CRIM1: variants seen among roughly 807,000 people sequenced by gnomAD.
CRIM1 encodes cysteine-rich motor neuron 1 protein.
CRIM1 carries 32 observed loss-of-function variants against 116.4 expected under a neutral mutation model. The observed-to-expected ratio is 0.27, with a 90% confidence interval of 0.21 to 0.37. The LOEUF is 0.37. Among genes scored for constraint, CRIM1 ranks in the 10% least tolerant of loss-of-function variants. The pLI, the probability that CRIM1 is intolerant of heterozygous loss-of-function variation, is 1.00. For missense variants in CRIM1, 1,331 were observed against 1,354.8 expected (o/e 0.98, Z 0.28); for synonymous variants, 590 against 509.2 (o/e 1.16, Z -2.13).
At chr2:36,485,395 G>T (rs944816111) in intron 7 of CRIM1, among the ~76,000 whole-genome samples, 3 of 152,156 alleles carry the variant, frequency 2.0e-5, no homozygotes, top group Non-Finnish European at 4.4e-5. Flanking sequence ...CCTCTAAAAG[G>T]CTGGAGTTCT....
chr2:36,541,879 T>C (rs1312675044), intron 14 of CRIM1, among the ~76,000 whole-genome samples: 1 of 152,224 alleles, frequency 6.6e-6, no homozygotes, highest in Non-Finnish European at 1.5e-5. Context: ...TCTTTGGCCA[T>C]AGAAGGCGGC....
Position 36,544,361 on chromosome 2 carries a change from G to C in CRIM1, c.2624-15G>C. 3.0e-6 allele frequency: 4 copies of C among 1,337,834 alleles called. No homozygotes were observed. The highest frequency in any genetic ancestry group is 3.9e-6 in the Non-Finnish European group (4 of 1,034,428). 82.9% of individuals were successfully genotyped at this position (1,337,834 alleles called of 1,614,324 possible). A position where few individuals can be genotyped will look rare whatever the true frequency, so the allele number is the denominator to read the frequency against. ...AGCTTCATCATCTCTTAGGAAAAAT[G>C]TTCCCTTCTTTTAGAAATGTATGTC... On this transcript the variant is annotated splice_polypyrimidine_tract_variant and intron_variant, in intron 14 of 16. Coordinates refer to ENST00000280527, the MANE Select transcript of CRIM1 (RefSeq NM_016441.3).
At chr2:36,478,580 G>A (rs761825382) in intron 6 of CRIM1, among the ~76,000 whole-genome samples, 1 of 152,144 alleles carries the variant, frequency 6.6e-6, no homozygotes, top group Admixed American at 6.5e-5. Flanking sequence ...CCTTCCTAAC[G>A]CTGTGATGGC....
At chr2:36,497,175 T>G (rs989307545) in intron 7 of CRIM1, among the ~76,000 whole-genome samples, 1 of 152,216 alleles carries the variant, frequency 6.6e-6, no homozygotes, top group African/African-American at 2.4e-5. Flanking sequence ...TTTTGGTATG[T>G]GTAGATATGC....
chr2:36,429,726 CT>C (rs1402663790), intron 2 of CRIM1, among the ~76,000 whole-genome samples: 2 of 152,284 alleles, frequency 1.3e-5, no homozygotes, highest in Non-Finnish European at 2.9e-5. Context: ...CATCAGGAGC[CT>C]GTGAATTTGT....
At chr2:36,357,986 A>T (rs1367796216) in intron 1 of CRIM1, among the ~76,000 whole-genome samples, 1 of 152,138 alleles carries the variant, frequency 6.6e-6, no homozygotes, top group African/African-American at 2.4e-5. Flanking sequence ...ACTTATTTAT[A>T]CCTGAATAGT....
intron 2 of CRIM1, among the ~76,000 whole-genome samples, chr2:36,423,891 G>A (rs1161275680): frequency 6.6e-6 from 1 of 152,186 alleles, no homozygotes; most frequent in Non-Finnish European, 1.5e-5. Context: ...TTTTATAGAT[G>A]AGGAAGCTGA....
intron 7 of CRIM1, among the ~76,000 whole-genome samples, chr2:36,493,472 G>T (rs1003939486): frequency 3.9e-5 from 6 of 152,134 alleles, no homozygotes; most frequent in Non-Finnish European, 8.8e-5. Context: ...ATCAGAATCT[G>T]GAAACAGAGT....
At chr2:36,388,180 A>G (rs1671314112) in intron 1 of CRIM1, among the ~76,000 whole-genome samples, 1 of 152,178 alleles carries the variant, frequency 6.6e-6, no homozygotes, top group Non-Finnish European at 1.5e-5. Flanking sequence ...GTGCTTCAGC[A>G]GTTGTCAGTT....
intron 1 of CRIM1, among the ~76,000 whole-genome samples, chr2:36,395,790 T>G (rs777795269): frequency 6.8e-4 from 103 of 152,282 alleles, no homozygotes; most frequent in Non-Finnish European, 5.4e-4. Flanking sequence ...ACTATCAGTC[T>G]CCCCAAACGC....
At chr2:36,386,849 C>T (rs940853592) in intron 1 of CRIM1, among the ~76,000 whole-genome samples, 4 of 152,194 alleles carry the variant, frequency 2.6e-5, no homozygotes, top group African/African-American at 7.2e-5. Context: ...GTATTAACCA[C>T]TGAGGAGAAG....
At chr2:36,394,171 C>T (rs1275317947) in intron 1 of CRIM1, among the ~76,000 whole-genome samples, 13 of 152,126 alleles carry the variant, frequency 8.5e-5, no homozygotes, top group African/African-American at 2.9e-4. Context: ...TTTATAAGAA[C>T]AGTAATAAAG....
intron 1 of CRIM1, among the ~76,000 whole-genome samples, chr2:36,380,534 T>C (rs1174240915): frequency 6.6e-6 from 1 of 152,084 alleles, no homozygotes; most frequent in Non-Finnish European, 1.5e-5. Context: ...CCAGATCCTG[T>C]GGGTTTGAGC....
At chr2:36,501,216 A>G (rs1680959953) in intron 8 of CRIM1, among the ~76,000 whole-genome samples, 1 of 152,230 alleles carries the variant, frequency 6.6e-6, no homozygotes, top group African/African-American at 2.4e-5. Context: ...ACCATGGCTC[A>G]GAGACTTGGA....
chr2:36,517,650 C>A, intron 12 of CRIM1, 108 bp downstream of exon 12: 2 of 1,057,250 alleles, frequency 1.9e-6, no homozygotes, highest in Non-Finnish European at 2.7e-6. Context: ...GGGAGTGTGC[C>A]AAACCCAGTA....
intron 2 of CRIM1, among the ~76,000 whole-genome samples, chr2:36,434,062 C>T (rs1190149639): frequency 6.6e-6 from 1 of 151,808 alleles, no homozygotes; most frequent in Non-Finnish European, 1.5e-5. Flanking sequence ...CAAAGCTTGC[C>T]AAAAAAGGTT....
At chr2:36,484,015 G>C (rs988314074) in intron 7 of CRIM1, among the ~76,000 whole-genome samples, 4 of 152,236 alleles carry the variant, frequency 2.6e-5, no homozygotes, top group Non-Finnish European at 5.9e-5. Context: ...CTACAGGCCA[G>C]TTGGACCAGT....
At chr2:36,357,841 A>T (rs930957176) in intron 1 of CRIM1, among the ~76,000 whole-genome samples, 1 of 152,180 alleles carries the variant, frequency 6.6e-6, no homozygotes, top group Non-Finnish European at 1.5e-5. Flanking sequence ...TTTATTCCGA[A>T]GCATCTTTGT....
At position 36,513,595 on chromosome 2, in the gene CRIM1, C is replaced by T. The variant is rs200415445; in HGVS notation, c.1820C>T (p.Thr607Ile). The T allele has an allele frequency of 3.0e-5, 49 of 1,614,084 alleles. No individual in the cohort carries two copies. Among genetic ancestry groups the T allele is most frequent in the Non-Finnish European group, 3.9e-5 (46 of 1,180,034 alleles). ...GCTGGGCCACCCATCCTGTCGGGCA[C>T]TTGTCTCACCGTGGATGGTCATCAT... The part of the protein sequence containing the change: ...ASAGPPILSG[T>I]CLTVDGHHHK... The change falls in exon 11 of 17, where the codon ACT becomes ATT. Residue 607 changes from threonine (T) to isoleucine (I), a missense_variant. Coordinates refer to ENST00000280527, the MANE Select transcript of CRIM1 (RefSeq NM_016441.3).
Sources: allele counts gnomAD v4.1 joint callset (sites outside exome capture counted in the v4.1 genomes callset), GRCh38; gene constraint gnomAD v4.1.1; transcripts MANE v1.5; gene names NCBI Gene and HGNC (gene_info 2026-07-23, HGNC 2026-07-21).